Variants in RRAS observed in about 807,000 individuals in gnomAD.
The protein encoded by RRAS is RAS related.
RRAS carries 18 observed loss-of-function variants against 23.3 expected under a neutral mutation model. The ratio of observed to expected loss-of-function variants is 0.77; its 90% CI spans 0.53 to 1.15. The LOEUF is 1.15. RRAS is among the 50% of genes most tolerant of loss of function. The probability of loss-of-function intolerance (pLI) is 0.00; values close to 1 mark genes in which losing one functional copy is unlikely to be tolerated. For missense variants in RRAS, 291 were observed against 317.1 expected (o/e 0.92, Z 0.62); for synonymous variants, 133 against 138.3 (o/e 0.96, Z 0.27).
chr19:49,638,682 C>A (rs1290452478), intron 1 of RRAS, among the ~76,000 whole-genome samples: 1 of 152,052 alleles, frequency 6.6e-6, no homozygotes, highest in Non-Finnish European at 1.5e-5. Flanking sequence ...GAACTGGGAG[C>A]CAGCCCGGAG....
At chr19:49,638,653 G>C (rs957762917) in intron 1 of RRAS, among the ~76,000 whole-genome samples, 2 of 152,292 alleles carry the variant, frequency 1.3e-5, no homozygotes, top group African/African-American at 2.4e-5. Context: ...AGAGCACAGC[G>C]TGAGAAGCTC....
At position 49,636,375 on chromosome 19, in the gene RRAS, G is replaced by C. The variant is rs1043075274; in HGVS notation, c.453+244C>G. Among the ~76,000 whole-genome samples, 2 of 152,102 alleles carry C rather than the reference G, an allele frequency of 1.3e-5. No individual in the cohort carries two copies. The highest frequency in any genetic ancestry group is 4.8e-5 in the African/African-American group (2 of 41,396). On this transcript the variant is annotated intron_variant, in intron 4 of 5. Transcript: ENST00000246792. This position sits in a 1 kb window ranked among gnomAD's most constrained non-coding sequence, Gnocchi z 4.5. The stretch of plus-strand genomic sequence containing the variant: ...GAAGGGGCAAAGAGAGCTGGCGGAC[G>C]GGGGGTGAATGTCCTTTGTTCCGTC...
intron 1 of RRAS, among the ~76,000 whole-genome samples, chr19:49,638,446 C>G (rs890651434): frequency 6.6e-6 from 1 of 152,142 alleles, no homozygotes; most frequent in Admixed American, 6.5e-5. Context: ...CTGGGAGGAC[C>G]TCCCTCAGGA....
At chr19:49,639,865 G>A (rs906858230) in intron 1 of RRAS, 81 bp downstream of exon 1, 10 of 1,271,292 alleles carry the variant, frequency 7.9e-6, no homozygotes, top group African/African-American at 1.5e-5. Context: ...ATGGGTCAAG[G>A]GGGAAAAGGG....
rs542935197 is a variant in RRAS, at chr19:49,640,135, G to A, written c.-37C>T. 37 of 1,360,078 alleles carry A rather than the reference G, an allele frequency of 2.7e-5. 1 individual carries two copies. The South Asian group carries it at 6.2e-4, about 23-fold the overall frequency. 84.3% of individuals were successfully genotyped at this position (1,360,078 alleles called of 1,614,324 possible). A position where few individuals can be genotyped will look rare whatever the true frequency, so the allele number is the denominator to read the frequency against. ...TGCTGCTGCCTTCGCTACCGCCTGC[G>A]GGGGAGCCGGGCGGGACCCGGGGGG... is the stretch of plus-strand genomic sequence containing the variant. On this transcript the variant is annotated 5_prime_UTR_variant, in exon 1 of 6. Coordinates refer to ENST00000246792, the MANE Select transcript of RRAS (RefSeq NM_006270.5).
chr19:49,638,197 G>A (rs2081005819), intron 1 of RRAS, among the ~76,000 whole-genome samples: 1 of 152,084 alleles, frequency 6.6e-6, no homozygotes, highest in Non-Finnish European at 1.5e-5. Context: ...CCCCACCCTC[G>A]GGCCCCAGCC....
At position 49,635,524 on chromosome 19, in the gene RRAS, C is replaced by A. The variant is rs372836710; in HGVS notation, c.*52G>T. On this transcript the variant is annotated 3_prime_UTR_variant, in exon 6 of 6. Transcript: ENST00000246792. ...GGGCCTCAGGTCACACAGCAAGGTGCGAAGGCAGCTAGTCCCGAGAGCTTG... is the reference window on the plus strand; with the variant it reads ...GGGCCTCAGGTCACACAGCAAGGTGAGAAGGCAGCTAGTCCCGAGAGCTTG... The A allele has an allele frequency of 8.3e-7, 1 of 1,207,960 alleles. No individual in the cohort carries two copies. Among genetic ancestry groups the A allele is most frequent in the Non-Finnish European group, 1.1e-6 (1 of 899,200 alleles). 74.8% of individuals were successfully genotyped at this position (1,207,960 alleles called of 1,614,324 possible). A position where few individuals can be genotyped will look rare whatever the true frequency, so the allele number is the denominator to read the frequency against.
chr19:49,637,192 C>T (rs541404010), intron 1 of RRAS, 62 bp from the exon 2 acceptor site: 13 of 1,202,216 alleles, frequency 1.1e-5, no homozygotes, highest in African/African-American at 3.0e-5. Flanking sequence ...AAGCCCTGCC[C>T]TTGGGATGCC....
chr19:49,638,125 G>C (rs2122423730), intron 1 of RRAS, among the ~76,000 whole-genome samples: 2 of 152,052 alleles, frequency 1.3e-5, no homozygotes, highest in East Asian at 3.9e-4. Context: ...TCCTGCTCAG[G>C]CGGCCTCCAG....
At chr19:49,635,979 C>T in intron 4 of RRAS, 127 bp from the exon 5 acceptor site, 1 of 532,734 alleles carries the variant, frequency 1.9e-6, no homozygotes, top group South Asian at 2.7e-5. Flanking sequence ...AGAGGAAGAG[C>T]TCCTGAGAGA....
Position 49,635,863 on chromosome 19 carries a change from G to A in RRAS, c.454-11C>T, listed in dbSNP as rs1316671612. The A allele has an allele frequency of 1.7e-5, 19 of 1,110,886 alleles. 1 individual carries two copies. The highest frequency in any genetic ancestry group is 2.3e-5 in the Non-Finnish European group (17 of 750,534). 68.8% of individuals were successfully genotyped at this position (1,110,886 alleles called of 1,614,324 possible). A position where few individuals can be genotyped will look rare whatever the true frequency, so the allele number is the denominator to read the frequency against. On this transcript the variant is annotated splice_polypyrimidine_tract_variant and intron_variant, in intron 4 of 5. Transcript: ENST00000246792. The stretch of plus-strand genomic sequence containing the variant: ...TTCTGATCGGGGGACCTGGGGGTAG[G>A]GGGGACACGGGGGAGTCAGGTCCCT...
rs531230310 is a variant in RRAS, at chr19:49,636,398, G to A, written c.453+221C>T. ...ACGGGGGGTGAATGTCCTTTGTTCC[G>A]TCCAGCAGCCTCTCCTGAGGACACT... On this transcript the variant is annotated intron_variant, in intron 4 of 5. Transcript: ENST00000246792. The surrounding 1 kb of genome is among the most constrained non-coding windows in gnomAD (Gnocchi z 4.5). Among the ~76,000 whole-genome samples, 4 of 152,228 alleles carry A rather than the reference G, an allele frequency of 2.6e-5. No homozygotes were observed. In the East Asian group the frequency reaches 7.7e-4, roughly 29 times the overall value.
Position 49,636,942 on chromosome 19 carries a change from GA to G in RRAS, c.242-17del, listed in dbSNP as rs750322474. On this transcript the variant is annotated splice_polypyrimidine_tract_variant and intron_variant, in intron 2 of 5. Coordinates refer to ENST00000246792, the MANE Select transcript of RRAS (RefSeq NM_006270.5). This position sits in a 1 kb window ranked among gnomAD's most constrained non-coding sequence, Gnocchi z 4.5. ...GTGTCCAGGACTGCAGAGACAGGGAGAGGGGCCATCGTGGGGACCAGGCTCC... is the reference window on the plus strand; with the variant it reads ...GTGTCCAGGACTGCAGAGACAGGGAGGGGGCCATCGTGGGGACCAGGCTCC... 8.1e-6 allele frequency: 13 copies of G among 1,612,090 alleles called. No individual in the cohort carries two copies. The African/African-American group carries it at 1.7e-4, about 22-fold the overall frequency.
rs2080996868 is a variant in RRAS, at chr19:49,636,553, G to A, written c.453+66C>T. The A allele has an allele frequency of 9.1e-7, 1 of 1,093,308 alleles. No homozygotes were observed. Among genetic ancestry groups the A allele is most frequent in the South Asian group, 1.2e-5 (1 of 80,586 alleles). The allele number at this position is 1,093,308 out of a possible 1,614,324, so 67.7% of individuals were successfully genotyped here. A position where few individuals can be genotyped will look rare whatever the true frequency, so the allele number is the denominator to read the frequency against. On this transcript the variant is annotated intron_variant, in intron 4 of 5. Coordinates refer to ENST00000246792, the MANE Select transcript of RRAS (RefSeq NM_006270.5). The surrounding 1 kb of genome is among the most constrained non-coding windows in gnomAD (Gnocchi z 4.5). ...GGAACAGAGGAGGATGCTGATGGGG[G>A]ACAGGTGTGCTGGAAGGAGCCTCCC...
At chr19:49,639,715 G>A (rs1027302267) in intron 1 of RRAS, among the ~76,000 whole-genome samples, 1 of 152,108 alleles carries the variant, frequency 6.6e-6, no homozygotes, top group Non-Finnish European at 1.5e-5. Context: ...CTTAGGCACT[G>A]GGAGAGGGAA....
intron 1 of RRAS, among the ~76,000 whole-genome samples, chr19:49,639,036 G>A (rs1474535576): frequency 6.6e-6 from 1 of 152,084 alleles, no homozygotes; most frequent in Non-Finnish European, 1.5e-5. Context: ...TCGGGTCGGA[G>A]AGCAGGACTC....
In RRAS at chr19:49,636,497, G is replaced by T. The variant is rs1306967015; in HGVS notation, c.453+122C>A. 5.2e-6 allele frequency: 4 copies of T among 763,550 alleles called. No individual in the cohort carries two copies. In the Admixed American group the frequency reaches 5.7e-5, roughly 11 times the overall value. 47.3% of individuals were successfully genotyped at this position (763,550 alleles called of 1,614,324 possible). On this transcript the variant is annotated intron_variant, in intron 4 of 5. Coordinates refer to ENST00000246792, the MANE Select transcript of RRAS (RefSeq NM_006270.5). This position sits in a 1 kb window ranked among gnomAD's most constrained non-coding sequence, Gnocchi z 4.5. Reference sequence around the variant, plus strand: ...GTTTGGGGGTAACCCATCTAGGTGAGCTGTGTGACAGTGGCAGTCGCAGCA... The same window carrying T: ...GTTTGGGGGTAACCCATCTAGGTGATCTGTGTGACAGTGGCAGTCGCAGCA...
rs748721573 is a variant in RRAS, at chr19:49,635,548, TGTG to T, written c.*25_*27del. The T allele has an allele frequency of 3.8e-5, 51 of 1,358,522 alleles. No homozygotes were observed. The African/African-American group carries it at 5.8e-4, about 15-fold the overall frequency. 84.2% of individuals were successfully genotyped at this position (1,358,522 alleles called of 1,614,324 possible). A position where few individuals can be genotyped will look rare whatever the true frequency, so the allele number is the denominator to read the frequency against. ...GCGAAGGCAGCTAGTCCCGAGAGCT[TGTG>T]GTGGTTGCTTCTCTCTTGCCTGGGC... On this transcript the variant is annotated 3_prime_UTR_variant, in exon 6 of 6. Transcript: ENST00000246792.
Position 49,635,593 on chromosome 19 carries a change from G to A in RRAS, c.640C>T (p.Pro214Ser), listed in dbSNP as rs770517668. The A allele has an allele frequency of 3.5e-6, 5 of 1,446,766 alleles. No individual in the cohort carries two copies. In the East Asian group the frequency reaches 1.3e-4, roughly 36 times the overall value. The allele number at this position is 1,446,766 out of a possible 1,614,324, so 89.6% of individuals were successfully genotyped here. The change falls in exon 6 of 6, where the codon CCC becomes TCC. Residue 214 changes from proline (P) to serine (S), a missense_variant. Transcript: ENST00000246792. Reference sequence around the variant, plus strand: ...TGCCTGGGCTACAGGAGGACGCAGGGGCAGCCCCCGCCCTTCTTCCTGGGG... The same window carrying A: ...TGCCTGGGCTACAGGAGGACGCAGGAGCAGCCCCCGCCCTTCTTCCTGGGG... ...SAPRKKGGGC[P>S]CVLL is the part of the protein sequence containing the mutation.
Sources: gnomAD v4.1 joint callset for allele counts (sites outside exome capture counted in the v4.1 genomes callset) on GRCh38, gnomAD v4.1.1 for gene constraint, Gnocchi (gnomAD v3.1) non-coding constraint, MANE v1.5 for transcripts, NCBI Gene and HGNC (gene_info 2026-07-23, HGNC 2026-07-21) for gene names.